The following GFRAL variants were observed in gnomAD, a reference collection of about 807,000 sequenced individuals.
The protein encoded by GFRAL is GDNF family receptor alpha like, also known as GDNF family receptor alpha-like.
GFRAL carries 36 observed loss-of-function variants against 45.4 expected under a neutral mutation model. That is an observed-to-expected ratio of 0.79 (90% CI 0.61 to 1.05). GFRAL has a LOEUF of 1.05. Among genes scored for constraint, GFRAL ranks in the 50% least tolerant of loss-of-function variants. The probability of loss-of-function intolerance (pLI) is 0.00; values close to 1 mark genes in which losing one functional copy is unlikely to be tolerated. For synonymous variants in GFRAL, 166 were observed against 154.1 expected, an observed-to-expected ratio of 1.08 and a Z score of -0.57; for missense variants, 507 against 467.5, an observed-to-expected ratio of 1.08 and a Z score of -0.78.
At chr6:55,340,903 C>T (rs969097715) in intron 3 of GFRAL, among the ~76,000 whole-genome samples, 4 of 152,220 alleles carry the variant, frequency 2.6e-5, no homozygotes, top group African/African-American at 4.8e-5. Context: ...GAGGGTCCCA[C>T]GCCCATGGAG....
intron 6 of GFRAL, among the ~76,000 whole-genome samples, chr6:55,384,469 T>A (rs377182202): frequency 3.3e-5 from 5 of 150,696 alleles, no homozygotes; most frequent in African/African-American, 1.2e-4. Flanking sequence ...GCCCCACAAT[T>A]CTACTGTTTA....
intron 3 of GFRAL, among the ~76,000 whole-genome samples, chr6:55,342,045 T>G (rs1035738634): frequency 6.6e-6 from 1 of 152,220 alleles, no homozygotes; most frequent in African/African-American, 2.4e-5. Flanking sequence ...AATCTACATC[T>G]GATTGGTGTA....
At chr6:55,378,143 C>T (rs562319268) in intron 6 of GFRAL, among the ~76,000 whole-genome samples, 2 of 152,094 alleles carry the variant, frequency 1.3e-5, no homozygotes, top group African/African-American at 2.4e-5. Context: ...ACATTTCGTG[C>T]TTCAGTGGCA....
At chr6:55,360,649 C>G (rs1768262027) in intron 6 of GFRAL, among the ~76,000 whole-genome samples, 1 of 151,884 alleles carries the variant, frequency 6.6e-6, no homozygotes, top group Non-Finnish European at 1.5e-5. Context: ...AATCACGATA[C>G]AGAGAAGAAT....
At chr6:55,335,895 C>CTTTATTTTATTTTATTTTAT (rs143794858) in intron 3 of GFRAL, among the ~76,000 whole-genome samples, 2,674 of 147,804 alleles carry the variant, frequency 0.018, 32 homozygotes, top group Middle Eastern at 0.049. Context: ...ATTTCTTTGT[C>CTTTATTTTATTTTATTTTAT]TTTATTTTAT....
At chr6:55,355,874 G>A (rs1053042131) in intron 5 of GFRAL, among the ~76,000 whole-genome samples, 10 of 151,920 alleles carry the variant, frequency 6.6e-5, no homozygotes, top group African/African-American at 1.9e-4. Flanking sequence ...GTCATATATG[G>A]CATTTATTCT....
intron 2 of GFRAL, 145 bp from the exon 3 acceptor site, chr6:55,333,641 C>T: frequency 2.2e-6 from 1 of 453,180 alleles, no homozygotes; most frequent in Non-Finnish European, 3.8e-6. Context: ...TAAAATGTCA[C>T]TTATATGGAT....
intron 3 of GFRAL, among the ~76,000 whole-genome samples, chr6:55,348,948 T>C (rs1172919052): frequency 1.3e-5 from 2 of 152,064 alleles, no homozygotes; most frequent in Non-Finnish European, 2.9e-5. Context: ...AGCCTAGACT[T>C]TTGTACCTGT....
At chr6:55,359,640 A>T (rs797006179) in intron 6 of GFRAL, among the ~76,000 whole-genome samples, 2 of 152,080 alleles carry the variant, frequency 1.3e-5, no homozygotes, top group African/African-American at 4.8e-5. Context: ...GTTTGGTCCA[A>T]GGTGGTATTA....
rs756944932 is a variant in GFRAL, at chr6:55,358,933, T to C, written c.747T>C (p.Thr249=). The part of the protein sequence containing the change: ...TFQSKCWQRV[T]RKCHEDENCI... ...AGTCAAAATGCTGGCAGCGTGTGAC[T>C]AGAAAGTGCCATGAAGATGAGAATT... The change falls in exon 6 of 9, where the codon ACT becomes ACC. Residue 249 remains threonine, a synonymous_variant. Coordinates refer to ENST00000340465, the MANE Select transcript of GFRAL (RefSeq NM_207410.2). 71 of 1,612,612 alleles carry C rather than the reference T, an allele frequency of 4.4e-5. No individual in the cohort carries two copies. Among genetic ancestry groups the C allele is most frequent in the Non-Finnish European group, 5.6e-5 (66 of 1,179,088 alleles).
chr6:55,355,300 C>G (rs557001671), intron 5 of GFRAL, among the ~76,000 whole-genome samples: 1 of 151,684 alleles, frequency 6.6e-6, no homozygotes, highest in African/African-American at 2.4e-5. Flanking sequence ...TCATGCGTAC[C>G]TATGTAATAA....
chr6:55,343,082 AT>A (rs1377715729), intron 3 of GFRAL, among the ~76,000 whole-genome samples: 1 of 152,132 alleles, frequency 6.6e-6, no homozygotes, highest in Non-Finnish European at 1.5e-5. Flanking sequence ...ATAATGGGAG[AT>A]TTTAACACCC....
intron 3 of GFRAL, among the ~76,000 whole-genome samples, chr6:55,341,747 C>A (rs1767968890): frequency 6.6e-6 from 1 of 152,028 alleles, no homozygotes; most frequent in South Asian, 2.1e-4. Flanking sequence ...GATGTTCGAA[C>A]CCATTGAAAA....
intron 3 of GFRAL, among the ~76,000 whole-genome samples, chr6:55,348,775 C>A (rs531853253): frequency 6.6e-6 from 1 of 152,182 alleles, no homozygotes; most frequent in East Asian, 1.9e-4. Flanking sequence ...ATGGCTCCAA[C>A]TTATGAATGT....
chr6:55,402,039 C>A lies in GFRAL; in HGVS notation c.*186C>A. 2.1e-6 allele frequency: 1 copy of A among 467,726 alleles called. No homozygotes were observed. The highest frequency in any genetic ancestry group is 3.4e-5 in the South Asian group (1 of 29,094). The allele number at this position is 467,726 out of a possible 1,614,324, so 29.0% of individuals were successfully genotyped here. On this transcript the variant is annotated 3_prime_UTR_variant, in exon 9 of 9. Transcript: ENST00000340465. ...TTGCCCAGGCTGCAGTACAATGGCT[C>A]AATCTCGGTTCACTGCAACCTCTGC...
In GFRAL at chr6:55,352,223, C is replaced by T. The variant is rs116383552; in HGVS notation, c.701+640C>T. On this transcript the variant is annotated intron_variant, in intron 5 of 8. Transcript: ENST00000340465. The stretch of plus-strand genomic sequence containing the variant: ...GAGCCATGGGTACACAGGCTCAAGC[C>T]ACTCCACAAATCAGTCAATATTGCA... Among the ~76,000 whole-genome samples the T allele has an allele frequency of 2.3e-3, 346 of 152,174 alleles. 2 individuals carry two copies. The highest frequency in any genetic ancestry group is 7.8e-3 in the African/African-American group (324 of 41,536).
chr6:55,332,113 C>T (rs1767838166), intron 2 of GFRAL, among the ~76,000 whole-genome samples: 1 of 152,030 alleles, frequency 6.6e-6, no homozygotes, highest in African/African-American at 2.4e-5. Flanking sequence ...ATGTATAATG[C>T]TACAATTTTA....
chr6:55,383,862 T>C (rs549824677), intron 6 of GFRAL, among the ~76,000 whole-genome samples: 19 of 152,136 alleles, frequency 1.2e-4, no homozygotes, highest in African/African-American at 4.3e-4. Context: ...CATGAAACAC[T>C]GGCTTAGAGT....
At chr6:55,369,771 T>C (rs1768426252) in intron 6 of GFRAL, among the ~76,000 whole-genome samples, 1 of 152,238 alleles carries the variant, frequency 6.6e-6, no homozygotes. Context: ...TTATTATAAA[T>C]AATATGGAAC....
Sources: gnomAD v4.1 joint callset for allele counts (sites outside exome capture counted in the v4.1 genomes callset) on GRCh38, gnomAD v4.1.1 for gene constraint, MANE v1.5 for transcripts, NCBI Gene and HGNC (gene_info 2026-07-23, HGNC 2026-07-21) for gene names.